BNC2: variants seen among roughly 807,000 people sequenced by gnomAD.
BNC2 encodes the protein basonuclin zinc finger protein 2, also known as zinc finger protein basonuclin-2.
A neutral mutation model predicts 76.3 loss-of-function variants in BNC2; 20 were observed. That is an observed-to-expected ratio of 0.26 (90% CI 0.18 to 0.38). The LOEUF (loss-of-function observed/expected upper bound fraction) is 0.38. Ranked by LOEUF, BNC2 falls within the 10% of genes least tolerant of loss-of-function variation. The pLI is 1.00. For missense variants in BNC2, 1,382 were observed against 1,399.8 expected, an observed-to-expected ratio of 0.99 and a Z score of 0.20; for synonymous variants, 582 against 514.8, an observed-to-expected ratio of 1.13 and a Z score of -1.77.
At chr9:16,456,248 A>G (rs1227413722) in intron 5 of BNC2, among the ~76,000 whole-genome samples, 1 of 152,150 alleles carries the variant, frequency 6.6e-6, no homozygotes, top group Non-Finnish European at 1.5e-5. Flanking sequence ...TTTGTCACCT[A>G]ATCTTTCTTT....
At chr9:16,800,095 G>A (rs921392504) in intron 1 of BNC2, among the ~76,000 whole-genome samples, 3 of 151,976 alleles carry the variant, frequency 2.0e-5, no homozygotes, top group African/African-American at 7.2e-5. Flanking sequence ...CATGGTAGCA[G>A]GCGCCTGTAG....
At chr9:16,784,704 A>G (rs1826236670) in intron 1 of BNC2, among the ~76,000 whole-genome samples, 1 of 152,230 alleles carries the variant, frequency 6.6e-6, no homozygotes, top group African/African-American at 2.4e-5. Flanking sequence ...TCCTAGAGAA[A>G]GTCTAAAGTT....
intron 1 of BNC2, among the ~76,000 whole-genome samples, chr9:16,776,259 G>A (rs767512513): frequency 1.3e-5 from 2 of 152,038 alleles, no homozygotes; most frequent in Non-Finnish European, 2.9e-5. Context: ...TCCTCTCTCA[G>A]TCTCCCAAGT....
chr9:16,425,639 A>T (rs1266902379), intron 6 of BNC2, among the ~76,000 whole-genome samples: 1 of 152,240 alleles, frequency 6.6e-6, no homozygotes, highest in East Asian at 1.9e-4. Flanking sequence ...AGAAAGCATG[A>T]CATATATGGA....
At chr9:16,832,539 G>C (rs80116101) in intron 1 of BNC2, among the ~76,000 whole-genome samples, 4 of 152,088 alleles carry the variant, frequency 2.6e-5, no homozygotes, top group Admixed American at 1.3e-4. Flanking sequence ...GTGAATCAAC[G>C]AATCCGAACC....
intron 3 of BNC2, among the ~76,000 whole-genome samples, chr9:16,589,413 T>G (rs1324553885): frequency 1.3e-5 from 2 of 152,080 alleles, no homozygotes; most frequent in Non-Finnish European, 2.9e-5. Context: ...CTCAAACTCC[T>G]AAGCTCAAGC....
chr9:16,813,387 T>C (rs12346967), intron 1 of BNC2, among the ~76,000 whole-genome samples: 15,594 of 151,258 alleles, frequency 0.1, 1,174 homozygotes, highest in Non-Finnish European at 0.16. Context: ...TGCCTCAGCC[T>C]CCCGAGTAGC....
At chr9:16,803,716 G>A (rs1817837139) in intron 1 of BNC2, among the ~76,000 whole-genome samples, 1 of 152,310 alleles carries the variant, frequency 6.6e-6, no homozygotes, top group Admixed American at 6.5e-5. Context: ...AGTTGATTTG[G>A]TAGTGTCATT....
chr9:16,645,497 T>A (rs1220522075), intron 3 of BNC2, among the ~76,000 whole-genome samples: 1 of 152,190 alleles, frequency 6.6e-6, no homozygotes, highest in Non-Finnish European at 1.5e-5. Flanking sequence ...TAAACACATG[T>A]ACATTACCAC....
At chr9:16,790,451 A>C (rs1817473236) in intron 1 of BNC2, among the ~76,000 whole-genome samples, 1 of 152,200 alleles carries the variant, frequency 6.6e-6, no homozygotes, top group South Asian at 2.1e-4. Context: ...AACTCTGAGA[A>C]TTGTTTTATT....
intron 5 of BNC2, chr9:16,475,903 G>C (rs1279533054): frequency 6.6e-6 from 1 of 152,182 alleles, no homozygotes; most frequent in Non-Finnish European, 1.5e-5. Flanking sequence ...AAATCCTTTT[G>C]ATGCATTTTC....
rs59888253 is a variant in BNC2, at chr9:16,732,162, A to AAAAAAAAAAAAAAAAG, written c.130-4166_130-4165insCTTTTTTTTTTTTTTT. On this transcript the variant is annotated intron_variant, in intron 2 of 6. Transcript: ENST00000380672. ...GTTTTTCCCTCCATTTCCTGCAAAA[A>AAAAAAAAAAAAAAAAG]AAAAAGAAAAAGAAACAAAAAAGAA... Among the ~76,000 whole-genome samples the AAAAAAAAAAAAAAAAG allele has an allele frequency of 7.3e-3, 896 of 123,484 alleles. 24 individuals carry two copies. The highest frequency in any genetic ancestry group is 0.011 in the Non-Finnish European group (623 of 58,618). 81.0% of individuals were successfully genotyped at this position (123,484 alleles called of 152,430 possible). A position where few individuals can be genotyped will look rare whatever the true frequency, so the allele number is the denominator to read the frequency against.
chr9:16,855,284 C>A (rs1318440645), intron 1 of BNC2, among the ~76,000 whole-genome samples: 3 of 152,122 alleles, frequency 2.0e-5, no homozygotes, highest in Non-Finnish European at 4.4e-5. Context: ...ATGGTTAATT[C>A]TTTTAAGATA....
chr9:16,869,643 C>G (rs202031780), intron 1 of BNC2, among the ~76,000 whole-genome samples: 2 of 152,182 alleles, frequency 1.3e-5, no homozygotes, highest in East Asian at 3.9e-4. Context: ...AGGAAGCAAA[C>G]TAAAAAGAAG....
chr9:16,682,872 T>A (rs1011832122), intron 3 of BNC2, among the ~76,000 whole-genome samples: 1 of 152,198 alleles, frequency 6.6e-6, no homozygotes, highest in Admixed American at 6.5e-5. Context: ...ACAAAGTAAC[T>A]TTTCTCTGAT....
chr9:16,568,224 G>A (rs192786524), intron 4 of BNC2, among the ~76,000 whole-genome samples: 24 of 152,158 alleles, frequency 1.6e-4, no homozygotes, highest in Non-Finnish European at 2.9e-5. Flanking sequence ...TTTAACACAC[G>A]TCTTTAGGGA....
At chr9:16,475,492 C>T (rs1587071758) in intron 5 of BNC2, among the ~76,000 whole-genome samples, 1 of 152,308 alleles carries the variant, frequency 6.6e-6, no homozygotes, top group East Asian at 1.9e-4. Flanking sequence ...CTCACTTAAG[C>T]ATCCACTCAG....
intron 3 of BNC2, among the ~76,000 whole-genome samples, chr9:16,689,163 C>CAAAAAAAAA (rs58620248): frequency 2.4e-4 from 12 of 50,446 alleles, no homozygotes; most frequent in Middle Eastern, 9.6e-3. Context: ...ACTGAGATCA[C>CAAAAAAAAA]AAAAAAAAAA....
chr9:16,561,129 C>T (rs1440919464), intron 4 of BNC2, among the ~76,000 whole-genome samples: 1 of 152,036 alleles, frequency 6.6e-6, no homozygotes, highest in Non-Finnish European at 1.5e-5. Flanking sequence ...ATCCCAGCTA[C>T]TCAGGAGGCT....
Sources: gnomAD v4.1 joint callset for allele counts (sites outside exome capture counted in the v4.1 genomes callset) on GRCh38, gnomAD v4.1.1 for gene constraint, MANE v1.5 for transcripts, NCBI Gene and HGNC (gene_info 2026-07-23, HGNC 2026-07-21) for gene names.